HPN: variants seen among roughly 807,000 people sequenced by gnomAD.
HPN encodes the protein hepsin, also known as serine protease hepsin.
A neutral mutation model predicts 55.9 loss-of-function variants in HPN; 13 were observed. The ratio of observed to expected loss-of-function variants is 0.23; its 90% CI spans 0.15 to 0.37. The LOEUF is 0.37. Ranked by LOEUF, HPN falls within the 10% of genes least tolerant of loss-of-function variation. The pLI is 1.00. For missense variants in HPN, 451 were observed against 575.8 expected, an observed-to-expected ratio of 0.78 and a Z score of 2.22; for synonymous variants, 225 against 240.3, an observed-to-expected ratio of 0.94 and a Z score of 0.59.
At chr19:35,055,681 C>T (rs1330530294) in intron 4 of HPN, among the ~76,000 whole-genome samples, 3 of 151,280 alleles carry the variant, frequency 2.0e-5, no homozygotes, top group South Asian at 2.1e-4. Context: ...CCCCTCTGGA[C>T]ATCCCAGAGC....
chr19:35,049,616 A>G (rs1389670221), intron 4 of HPN, 100 bp downstream of exon 4: 2 of 1,046,806 alleles, frequency 1.9e-6, no homozygotes, highest in Non-Finnish European at 2.8e-6. Context: ...GCACAAATGC[A>G]TGCAGAAATG....
At chr19:35,047,590 C>T (rs982837186) in intron 2 of HPN, among the ~76,000 whole-genome samples, 2 of 152,176 alleles carry the variant, frequency 1.3e-5, no homozygotes, top group Non-Finnish European at 2.9e-5. Context: ...CCCTGAGAGT[C>T]GTAACCTTAT....
Position 35,060,496 on chromosome 19 carries a change from G to T in HPN, c.604G>T (p.Ala202Ser), listed in dbSNP as rs1323978762. ...LLSGDWVLTA[A>S]HCFPERNRVL... is the part of the protein sequence containing the mutation. ...CTCCGGGGACTGGGTGCTGACAGCCGCCCACTGCTTCCCGGAGTGAGTGCC... is the reference window on the plus strand; with the variant it reads ...CTCCGGGGACTGGGTGCTGACAGCCTCCCACTGCTTCCCGGAGTGAGTGCC... The change falls in exon 8 of 13, where the codon GCC becomes TCC. Residue 202 changes from alanine (A) to serine (S), a missense_variant. Physicochemically the swap from Ala to Ser is moderately conservative, Grantham distance 99. This residue lies in a region of HPN where 378 missense variants were observed against 445.5 expected (regional missense o/e 0.85). Coordinates refer to ENST00000672452, the MANE Select transcript of HPN (RefSeq NM_001384133.1). 1.2e-6 allele frequency: 2 copies of T among 1,612,868 alleles called. No homozygotes were observed. Among genetic ancestry groups the T allele is most frequent in the Non-Finnish European group, 1.7e-6 (2 of 1,179,850 alleles).
rs2064509231 is a variant in HPN at position 35,060,013 on chromosome 19, G to T, written c.413+17G>T. 6.2e-7 allele frequency: 1 copy of T among 1,600,404 alleles called. No homozygotes were observed. Among genetic ancestry groups the T allele is most frequent in the South Asian group, 1.1e-5 (1 of 88,582 alleles). On this transcript the variant is annotated intron_variant, in intron 6 of 12. Transcript: ENST00000672452. Reference sequence around the variant, plus strand: ...CTCCGTGTGGTGAGGAGGGCAGCGGGCAGGTGGGGCAACACCTCAGACCCC... The same window carrying T: ...CTCCGTGTGGTGAGGAGGGCAGCGGTCAGGTGGGGCAACACCTCAGACCCC...
At chr19:35,041,689 C>G, upstream of HPN, 29 of 385,534 alleles carry the variant, frequency 7.5e-5, no homozygotes, top group Non-Finnish European at 1.0e-4. Flanking sequence ...CCCGCCCCTT[C>G]ACCCGCCCCT....
At chr19:35,050,914 C>CTTTTTTTTTTTTTTTT (rs5827917) in intron 4 of HPN, among the ~76,000 whole-genome samples, 56 of 90,434 alleles carry the variant, frequency 6.2e-4, no homozygotes, top group Non-Finnish European at 7.4e-4. Context: ...TTCTTTCTTT[C>CTTTTTTTTTTTTTTTT]TTTTTTTTTT....
At chr19:35,052,533 T>G (rs2064415206) in intron 4 of HPN, among the ~76,000 whole-genome samples, 1 of 30,870 alleles carries the variant, frequency 3.2e-5, no homozygotes, top group African/African-American at 1.3e-4. Context: ...AGAGTCTGTC[T>G]CAAAAAAAAA....
At chr19:35,045,580 G>A (rs2064333682) in intron 2 of HPN, among the ~76,000 whole-genome samples, 1 of 152,170 alleles carries the variant, frequency 6.6e-6, no homozygotes, top group South Asian at 2.1e-4. Flanking sequence ...GAGATGTAGG[G>A]GTGGGGGAGG....
chr19:35,064,800 C>T (rs1054122774), intron 9 of HPN, among the ~76,000 whole-genome samples: 1 of 142,910 alleles, frequency 7.0e-6, no homozygotes. Context: ...TGGTACGTGG[C>T]GACTTCCGTT....
chr19:35,058,474 G>A (rs900196661), intron 4 of HPN, among the ~76,000 whole-genome samples: 4 of 146,624 alleles, frequency 2.7e-5, no homozygotes, highest in African/African-American at 1.0e-4. Context: ...AAATCACTCT[G>A]GAAGGAGAGT....
Position 35,043,356 on chromosome 19 carries a change from G to A in HPN, c.16+834G>A, listed in dbSNP as rs148172181. Among the ~76,000 whole-genome samples the A allele has an allele frequency of 4.9e-3, 747 of 152,280 alleles. 5 individuals carry two copies. The highest frequency in any genetic ancestry group is 0.015 in the African/African-American group (622 of 41,558). On this transcript the variant is annotated intron_variant, in intron 2 of 12. Coordinates refer to ENST00000672452, the MANE Select transcript of HPN (RefSeq NM_001384133.1). ...TGGGACCCAGCTGGAGGGGCGCATGGAGGGGCGTCCTGTTCTTTCTGCCTT... is the reference window on the plus strand; with the variant it reads ...TGGGACCCAGCTGGAGGGGCGCATGAAGGGGCGTCCTGTTCTTTCTGCCTT...
At chr19:35,053,951 G>A (rs1031629936) in intron 4 of HPN, among the ~76,000 whole-genome samples, 6 of 152,156 alleles carry the variant, frequency 3.9e-5, no homozygotes, top group Admixed American at 6.5e-5. Flanking sequence ...AGTGCCAGCC[G>A]TAGCTGAATA....
chr19:35,049,208 C>T (rs1445070380), intron 2 of HPN, 82 bp from the exon 3 acceptor site: 7 of 988,016 alleles, frequency 7.1e-6, no homozygotes, highest in South Asian at 2.3e-5. Context: ...GCCCTGGGGG[C>T]AGGGCAGAGC....
At chr19:35,043,624 T>C (rs943776618) in intron 2 of HPN, among the ~76,000 whole-genome samples, 4 of 152,206 alleles carry the variant, frequency 2.6e-5, no homozygotes, top group Non-Finnish European at 4.4e-5. Context: ...AGTTCAGATC[T>C]CTGGCCTCCT....
At chr19:35,042,593 C>G (rs1328310358) in intron 2 of HPN, 71 bp downstream of exon 2, 1 of 1,339,404 alleles carries the variant, frequency 7.5e-7, no homozygotes, top group Non-Finnish European at 1.0e-6. Context: ...TTTTCTCTAC[C>G]CTCTACTCTT....
chr19:35,041,688 T>TCCCCCCCCCCCCCCCCCC, upstream of HPN: 1 of 638,114 alleles, frequency 1.6e-6, no homozygotes. Context: ...CCCCGCCCCT[T>TCCCCCCCCCCCCCCCCCC]CACCCGCCCC....
At chr19:35,048,698 A>G (rs2064372338) in intron 2 of HPN, among the ~76,000 whole-genome samples, 1 of 152,182 alleles carries the variant, frequency 6.6e-6, no homozygotes, top group Non-Finnish European at 1.5e-5. Context: ...GTTTGAGACC[A>G]GCCTGGGCAA....
intron 7 of HPN, 62 bp downstream of exon 7, chr19:35,060,231 G>C: frequency 6.2e-7 from 1 of 1,609,306 alleles, no homozygotes; most frequent in Non-Finnish European, 8.5e-7. Flanking sequence ...GTCCCCTCAA[G>C]CTCCCCAGGA....
chr19:35,059,686 T>C lies in HPN; in HGVS notation c.174T>C (p.Ser58=), dbSNP rs758727761. The change falls in exon 5 of 13, where the codon TCT becomes TCC. Residue 58 remains serine, a synonymous_variant. Transcript: ENST00000672452. ...GTCGCCCTGCAGTGCAGGTCAGCTC[T>C]GCGGACGCTCGGCTCATGGTCTTTG... ...QEPLYPVQVS[S]ADARLMVFDK... The C allele has an allele frequency of 5.0e-6, 8 of 1,598,410 alleles. No homozygotes were observed. The highest frequency in any genetic ancestry group is 1.7e-5 in the Admixed American group (1 of 57,660).
Sources: gnomAD v4.1 joint callset for allele counts (sites outside exome capture counted in the v4.1 genomes callset) on GRCh38, gnomAD v4.1.1 for gene constraint, gnomAD v4.1.1 regional missense constraint, MANE v1.5 for transcripts, NCBI Gene and HGNC (gene_info 2026-07-23, HGNC 2026-07-21) for gene names.